Variants in PCDHGB5 observed in about 807,000 individuals in gnomAD.
The protein encoded by PCDHGB5 is protocadherin gamma subfamily B, 5, also known as protocadherin gamma-B5.
A neutral mutation model predicts 62.9 loss-of-function variants in PCDHGB5; 48 were observed. The ratio of observed to expected loss-of-function variants is 0.76; its 90% CI spans 0.61 to 0.97. The LOEUF (loss-of-function observed/expected upper bound fraction) is 0.97, where lower values mean the gene tolerates loss of function less well. Ranked by LOEUF, PCDHGB5 falls within the 50% of genes least tolerant of loss-of-function variation. PCDHGB5 has a pLI of 0.00. For missense variants in PCDHGB5, 1,118 were observed against 1,198.6 expected, an observed-to-expected ratio of 0.93 and a Z score of 0.99; for synonymous variants, 474 against 511.2, an observed-to-expected ratio of 0.93 and a Z score of 0.98.
Position 141,491,466 on chromosome 5 carries a change from T to G in PCDHGB5, c.2398-3341T>G. The G allele has an allele frequency of 6.2e-7, 1 of 1,614,068 alleles. No individual in the cohort carries two copies. Among genetic ancestry groups the G allele is most frequent in the Non-Finnish European group, 8.5e-7 (1 of 1,179,986 alleles). ...AGGACTCACCCTCCCCGGACTTCTA[T>G]AAGCAGTCCAGCCCCAACCTGCAGG... On this transcript the variant is annotated intron_variant, in intron 1 of 3. Coordinates refer to ENST00000617380, the MANE Select transcript of PCDHGB5 (RefSeq NM_018925.3). This position sits in a 1 kb window ranked among gnomAD's most constrained non-coding sequence, Gnocchi z 6.9.
chr5:141,436,501 G>A (rs1382579407), intron 1 of PCDHGB5, among the ~76,000 whole-genome samples: 1 of 152,118 alleles, frequency 6.6e-6, no homozygotes, highest in Admixed American at 6.5e-5. Context: ...TTGCAATTAG[G>A]TAAATTGTTA....
intron 1 of PCDHGB5, among the ~76,000 whole-genome samples, chr5:141,439,557 A>C (rs766239185): frequency 1.2e-4 from 19 of 152,178 alleles, no homozygotes; most frequent in Non-Finnish European, 2.2e-4. Context: ...TTCAGGCTGC[A>C]GTTCTAGAGT....
At position 141,399,958 on chromosome 5, in the gene PCDHGB5, G is replaced by C; in HGVS notation, c.1831G>C (p.Gly611Arg). 1.2e-6 allele frequency: 2 copies of C among 1,612,122 alleles called. No homozygotes were observed. Among genetic ancestry groups the C allele is most frequent in the Middle Eastern group, 3.8e-4 (2 of 5,220 alleles). ...CCACGTGCTGCAGGCTAGCGAGCCCGGGCTCTTCAGCCTGGGGCTGCGCAC... is the reference window on the plus strand; with the variant it reads ...CCACGTGCTGCAGGCTAGCGAGCCCCGGCTCTTCAGCCTGGGGCTGCGCAC... The part of the protein sequence containing the change: ...SYHVLQASEP[G>R]LFSLGLRTGE... Residue 611 changes from glycine to arginine, a missense_variant, in exon 1 of 4, where the codon GGG (glycine) becomes CGG (arginine). Physicochemically the swap from Gly to Arg is moderately radical, Grantham distance 125. Coordinates refer to ENST00000617380, the MANE Select transcript of PCDHGB5 (RefSeq NM_018925.3).
At position 141,489,861 on chromosome 5, in the gene PCDHGB5, A is replaced by G. The variant is rs1221756350; in HGVS notation, c.2398-4946A>G. The G allele has an allele frequency of 1.2e-5, 19 of 1,614,058 alleles. No individual in the cohort carries two copies. Among genetic ancestry groups the G allele is most frequent in the Non-Finnish European group, 1.5e-5 (18 of 1,179,998 alleles). On this transcript the variant is annotated intron_variant, in intron 1 of 3. Transcript: ENST00000617380. The surrounding 1 kb of genome is among the most constrained non-coding windows in gnomAD (Gnocchi z 4.5). ...AGCTGGATCGTGAAGCCCAGGCAAGACATCAGCTGGTGCTTACTGCTGTGG... is the reference window on the plus strand; with the variant it reads ...AGCTGGATCGTGAAGCCCAGGCAAGGCATCAGCTGGTGCTTACTGCTGTGG...
chr5:141,499,836 A>G (rs2099794751), intron 2 of PCDHGB5, among the ~76,000 whole-genome samples: 1 of 151,894 alleles, frequency 6.6e-6, no homozygotes, highest in African/African-American at 2.4e-5. Flanking sequence ...ACAGGTGTGC[A>G]CCACCACACA....
chr5:141,431,554 C>G lies in PCDHGB5; in HGVS notation c.2397+31030C>G. 1 of 1,614,126 alleles carries G rather than the reference C, an allele frequency of 6.2e-7. No homozygotes were observed. The highest frequency in any genetic ancestry group is 1.7e-5 in the Admixed American group (1 of 60,032). ...TGGGCACGCAGCTGCTTGTAGTCAA[C>G]GCTACCGACCCTGACGAAGGAGTCA... is the stretch of plus-strand genomic sequence containing the variant. On this transcript the variant is annotated intron_variant, in intron 1 of 3. Coordinates refer to ENST00000617380, the MANE Select transcript of PCDHGB5 (RefSeq NM_018925.3). This position sits in a 1 kb window ranked among gnomAD's most constrained non-coding sequence, Gnocchi z 4.8.
chr5:141,426,733 G>A (rs62378459), intron 1 of PCDHGB5: 13,670 of 449,336 alleles, frequency 0.03, 288 homozygotes, highest in Middle Eastern at 0.11. Context: ...CCAGGCATTC[G>A]GTTTGGCCTG....
intron 1 of PCDHGB5, chr5:141,414,643 C>G (rs765652709): frequency 1.2e-6 from 2 of 1,613,942 alleles, no homozygotes; most frequent in Non-Finnish European, 8.5e-7. Flanking sequence ...AGAGAATGCC[C>G]AGATTATTTA....
At chr5:141,424,928 T>C (rs2096848391) in intron 1 of PCDHGB5, among the ~76,000 whole-genome samples, 1 of 152,204 alleles carries the variant, frequency 6.6e-6, no homozygotes, top group South Asian at 2.1e-4. Flanking sequence ...ATCAATTCAG[T>C]CAACACTCTC....
In PCDHGB5 at chr5:141,432,751, G is replaced by A; in HGVS notation, c.2397+32227G>A. The A allele has an allele frequency of 6.2e-7, 1 of 1,614,130 alleles. No homozygotes were observed. Among genetic ancestry groups the A allele is most frequent in the Non-Finnish European group, 8.5e-7 (1 of 1,179,982 alleles). Reference sequence around the variant, plus strand: ...CCACTGTCACGCTCACCGTGGCCGTGGCCGACAGCATCCCCCAAGTCCTGG... The same window carrying A: ...CCACTGTCACGCTCACCGTGGCCGTAGCCGACAGCATCCCCCAAGTCCTGG... On this transcript the variant is annotated intron_variant, in intron 1 of 3. Transcript: ENST00000617380. This position sits in a 1 kb window ranked among gnomAD's most constrained non-coding sequence, Gnocchi z 6.0.
At chr5:141,484,501 A>G (rs1185523120) in intron 1 of PCDHGB5, among the ~76,000 whole-genome samples, 2 of 152,232 alleles carry the variant, frequency 1.3e-5, no homozygotes, top group African/African-American at 4.8e-5. Flanking sequence ...GTTTCTGAAT[A>G]TTCTGCAGAA....
chr5:141,404,497 T>C, intron 1 of PCDHGB5: 1 of 1,613,930 alleles, frequency 6.2e-7, no homozygotes, highest in Non-Finnish European at 8.5e-7. Context: ...GTGTGCTGTA[T>C]GCTCTGTGCT....
intron 1 of PCDHGB5, chr5:141,423,601 C>A (rs372165060): frequency 1.9e-6 from 3 of 1,612,704 alleles, no homozygotes; most frequent in Non-Finnish European, 2.5e-6. Flanking sequence ...AAGCGAGCCA[C>A]TCTTGATAGC....
rs1159402714 is a variant in PCDHGB5 at position 141,399,170 on chromosome 5, T to C, written c.1043T>C (p.Leu348Pro). The part of the protein sequence containing the change: ...DNSPEVTFHS[L>P]LEMILENAVP... ...AGCCCAGAAGTTACATTCCATTCTC[T>C]ACTTGAAATGATTCTGGAAAACGCG... The change falls in exon 1 of 4, where the codon CTA becomes CCA. Residue 348 changes from leucine (L) to proline (P), a missense_variant. Leu to Pro is a moderately conservative substitution (Grantham distance 98). Around this residue, in one of 2 missense-constraint regions of PCDHGB5, gnomAD observed 1,034 missense variants for 1,029.1 expected, o/e 1.00. Coordinates refer to ENST00000617380, the MANE Select transcript of PCDHGB5 (RefSeq NM_018925.3). The C allele has an allele frequency of 6.2e-7, 1 of 1,613,798 alleles. No individual in the cohort carries two copies.
chr5:141,420,394 C>A, intron 1 of PCDHGB5: 2 of 1,260,296 alleles, frequency 1.6e-6, no homozygotes, highest in Non-Finnish European at 2.1e-6. Flanking sequence ...AAATATAGGT[C>A]AAATTTATGG....
intron 1 of PCDHGB5, chr5:141,430,575 A>T (rs1056696427): frequency 2.2e-6 from 1 of 455,822 alleles, no homozygotes; most frequent in Non-Finnish European, 3.7e-6. Flanking sequence ...AAAAGCGGAG[A>T]TCCTGCTCGC....
chr5:141,494,394 T>C (rs1437164389), intron 1 of PCDHGB5, among the ~76,000 whole-genome samples: 1 of 152,154 alleles, frequency 6.6e-6, no homozygotes, highest in African/African-American at 2.4e-5. Flanking sequence ...GTTGAATAAA[T>C]TCATTCTAGG....
At chr5:141,478,016 G>A (rs1204231648) in intron 1 of PCDHGB5, 1 of 1,614,108 alleles carries the variant, frequency 6.2e-7, no homozygotes, top group Non-Finnish European at 8.5e-7. Context: ...TGCCCGTCCA[G>A]TCCAAGACAC....
intron 1 of PCDHGB5, among the ~76,000 whole-genome samples, chr5:141,402,022 T>A (rs1170426258): frequency 6.6e-6 from 1 of 152,210 alleles, no homozygotes; most frequent in East Asian, 1.9e-4. Context: ...TTTGAATCAT[T>A]GAAACACAGT....
Sources: gnomAD v4.1 joint callset for allele counts (sites outside exome capture counted in the v4.1 genomes callset) on GRCh38, gnomAD v4.1.1 for gene constraint, gnomAD v4.1.1 regional missense constraint, Gnocchi (gnomAD v3.1) non-coding constraint, MANE v1.5 for transcripts, NCBI Gene and HGNC (gene_info 2026-07-23, HGNC 2026-07-21) for gene names.